The following ARHGAP12 variants were observed in gnomAD, a reference collection of about 807,000 sequenced individuals.
ARHGAP12 encodes Rho GTPase activating protein 12, also known as rho GTPase-activating protein 12.
A neutral mutation model predicts 108.6 loss-of-function variants in ARHGAP12; 64 were observed. That is an observed-to-expected ratio of 0.59 (90% CI 0.48 to 0.73). ARHGAP12 has a LOEUF of 0.73. Ranked by LOEUF, ARHGAP12 falls within the 30% of genes least tolerant of loss-of-function variation. The pLI is 0.00. For synonymous variants in ARHGAP12, 312 were observed against 337.2 expected, an observed-to-expected ratio of 0.93 and a Z score of 0.82; for missense variants, 940 against 1,005.9, an observed-to-expected ratio of 0.93 and a Z score of 0.89.
intron 6 of ARHGAP12, among the ~76,000 whole-genome samples, chr10:31,847,914 T>A (rs1194828175): frequency 2.0e-5 from 3 of 152,098 alleles, no homozygotes; most frequent in Non-Finnish European, 4.4e-5. Context: ...ACAGAGACAG[T>A]GTGCTTTACT....
intron 3 of ARHGAP12, among the ~76,000 whole-genome samples, chr10:31,874,054 A>G (rs959375563): frequency 1.3e-5 from 2 of 152,236 alleles, no homozygotes; most frequent in African/African-American, 4.8e-5. Context: ...AGAGATTAAA[A>G]AGTTAATGGT....
chr10:31,889,684 T>C (rs561914128), intron 3 of ARHGAP12, among the ~76,000 whole-genome samples: 161 of 138,478 alleles, frequency 1.2e-3, no homozygotes, highest in Non-Finnish European at 2.0e-3. Context: ...TGGAGTGCAG[T>C]GGCATGATCT....
intron 1 of ARHGAP12, among the ~76,000 whole-genome samples, chr10:31,920,030 T>C (rs1253621189): frequency 1.4e-5 from 2 of 142,206 alleles, no homozygotes; most frequent in African/African-American, 2.6e-5. Flanking sequence ...CGCTTGAACC[T>C]GGGAGGCGGA....
rs1375863431 is a variant in ARHGAP12, at chr10:31,900,411, T to C, written c.684+7761A>G. On this transcript the variant is annotated intron_variant, in intron 3 of 19. Transcript: ENST00000344936. The stretch of plus-strand genomic sequence containing the variant: ...ATTTGAATCTGCTCATGAATGTTCA[T>C]TGCAGTTTTATTAATAACCAACAAA... Among the ~76,000 whole-genome samples the C allele has an allele frequency of 3.3e-5, 5 of 152,228 alleles. No homozygotes were observed. The East Asian group carries it at 7.7e-4, about 23-fold the overall frequency.
chr10:31,821,984 A>G (rs1330205699), intron 11 of ARHGAP12, among the ~76,000 whole-genome samples: 1 of 152,188 alleles, frequency 6.6e-6, no homozygotes, highest in Non-Finnish European at 1.5e-5. Flanking sequence ...GTCATCATAC[A>G]CGCTGTAGAT....
At chr10:31,844,186 T>C (rs1385149841) in intron 6 of ARHGAP12, among the ~76,000 whole-genome samples, 1 of 152,220 alleles carries the variant, frequency 6.6e-6, no homozygotes, top group Non-Finnish European at 1.5e-5. Flanking sequence ...GATTACATCT[T>C]CTACAAAGAG....
chr10:31,915,339 T>G (rs886364949), intron 1 of ARHGAP12, among the ~76,000 whole-genome samples: 2 of 146,190 alleles, frequency 1.4e-5, no homozygotes, highest in African/African-American at 5.1e-5. Flanking sequence ...TGGGCCAAGA[T>G]AGCGTCATTG....
chr10:31,888,412 A>C (rs1319036955), intron 3 of ARHGAP12, among the ~76,000 whole-genome samples: 1 of 152,234 alleles, frequency 6.6e-6, no homozygotes, highest in East Asian at 1.9e-4. Context: ...GAAAGAAAAA[A>C]TAGATACTCT....
chr10:31,875,002 ATT>A (rs374858455), intron 3 of ARHGAP12, among the ~76,000 whole-genome samples: 24 of 135,114 alleles, frequency 1.8e-4, no homozygotes, highest in East Asian at 6.6e-4. Flanking sequence ...AAAAAAAAAA[ATT>A]TTCACACACA....
intron 18 of ARHGAP12, 22 bp downstream of exon 18, chr10:31,808,972 C>T (rs768064765): frequency 2.6e-6 from 4 of 1,542,996 alleles, no homozygotes; most frequent in South Asian, 1.2e-5. Context: ...CTAGAAAAAA[C>T]TGAGTAGAAT....
intron 5 of ARHGAP12, among the ~76,000 whole-genome samples, chr10:31,853,611 A>G (rs531694906): frequency 4.6e-5 from 7 of 152,330 alleles, no homozygotes; most frequent in Admixed American, 4.6e-4. Flanking sequence ...TGCAATACAC[A>G]CATAAAATGT....
chr10:31,831,834 C>T, intron 9 of ARHGAP12, 34 bp from the exon 10 acceptor site: 1 of 1,372,744 alleles, frequency 7.3e-7, no homozygotes, highest in Non-Finnish European at 1.0e-6. Context: ...TATACAATCA[C>T]ATAGACAATG....
chr10:31,874,655 C>A (rs1375004966), intron 3 of ARHGAP12, among the ~76,000 whole-genome samples: 1 of 151,642 alleles, frequency 6.6e-6, no homozygotes, highest in African/African-American at 2.4e-5. Flanking sequence ...GTTAGACACA[C>A]ATAATGGACT....
intron 1 of ARHGAP12, among the ~76,000 whole-genome samples, chr10:31,920,926 A>G (rs1839780898): frequency 6.6e-6 from 1 of 152,078 alleles, no homozygotes; most frequent in African/African-American, 2.4e-5. Flanking sequence ...TATCTTAAAA[A>G]CCCCAAAATT....
At chr10:31,819,267 A>C (rs1835323392) in intron 12 of ARHGAP12, among the ~76,000 whole-genome samples, 1 of 152,172 alleles carries the variant, frequency 6.6e-6, no homozygotes, top group African/African-American at 2.4e-5. Flanking sequence ...AGAACAATAA[A>C]GAGTAAAAAT....
intron 16 of ARHGAP12, among the ~76,000 whole-genome samples, 196 bp downstream of exon 16, chr10:31,810,453 G>A (rs1834974482): frequency 6.6e-6 from 1 of 152,102 alleles, no homozygotes; most frequent in Admixed American, 6.5e-5. Context: ...TTCAGCAGAT[G>A]CCTGGAGAGA....
intron 1 of ARHGAP12, among the ~76,000 whole-genome samples, chr10:31,916,704 C>T (rs529029736): frequency 1.3e-5 from 2 of 152,208 alleles, no homozygotes; most frequent in South Asian, 4.1e-4. Context: ...GCAATCTCTG[C>T]CACCCGGGTT....
chr10:31,829,271 T>C (rs1332892662), intron 10 of ARHGAP12, among the ~76,000 whole-genome samples: 4 of 152,010 alleles, frequency 2.6e-5, no homozygotes, highest in Non-Finnish European at 5.9e-5. Flanking sequence ...ATTCCACCAA[T>C]ACAAAATATC....
At chr10:31,921,804 A>G (rs1839827224) in intron 1 of ARHGAP12, among the ~76,000 whole-genome samples, 1 of 150,904 alleles carries the variant, frequency 6.6e-6, no homozygotes, top group Non-Finnish European at 1.5e-5. Context: ...TGTAGAAGAA[A>G]AGATATGAAA....
Sources: allele counts gnomAD v4.1 joint callset (sites outside exome capture counted in the v4.1 genomes callset), GRCh38; gene constraint gnomAD v4.1.1; transcripts MANE v1.5; gene names NCBI Gene and HGNC (gene_info 2026-07-23, HGNC 2026-07-21).